Variants in VWA5B1 observed in about 807,000 individuals in gnomAD.
The protein encoded by VWA5B1 is von Willebrand factor A domain-containing protein 5B1.
In VWA5B1, 115 loss-of-function variants were observed where a neutral mutation model predicts 118.2. The ratio of observed to expected loss-of-function variants is 0.97; its 90% CI spans 0.84 to 1.14. The LOEUF is 1.14. Ranked by LOEUF, VWA5B1 falls within the 50% of genes most tolerant of loss-of-function variation. The pLI is 0.00. For missense variants in VWA5B1, 1,596 were observed against 1,603.8 expected (o/e 1.00, Z 0.08); for synonymous variants, 682 against 658.4 (o/e 1.04, Z -0.55).
intron 14 of VWA5B1, among the ~76,000 whole-genome samples, chr1:20,339,583 ATGTAGATTTGTCCT>A (rs2089821237): frequency 6.6e-6 from 1 of 152,112 alleles, no homozygotes. Flanking sequence ...AATGGGCTTT[ATGTAGATTTGTCCT>A]TGTAAGGCAG....
rs944229832 is a variant in VWA5B1, at chr1:20,312,730, A to G, written c.140-106A>G. On this transcript the variant is annotated intron_variant, in intron 2 of 21. Coordinates refer to ENST00000289815, the MANE Select transcript of VWA5B1 (RefSeq NM_001039500.3). Reference sequence around the variant, plus strand: ...GGCCTCTCGGCATCCAATAAGCGGCAGTGGGCACCACCCAACAGGCAGACC... The same window carrying G: ...GGCCTCTCGGCATCCAATAAGCGGCGGTGGGCACCACCCAACAGGCAGACC... 2.9e-6 allele frequency: 4 copies of G among 1,368,374 alleles called. No individual in the cohort carries two copies. In the African/African-American group the frequency reaches 5.9e-5, roughly 20 times the overall value. 84.8% of individuals were successfully genotyped at this position (1,368,374 alleles called of 1,614,324 possible).
At chr1:20,350,046 G>T (rs2090094832) in intron 18 of VWA5B1, 110 bp from the exon 19 acceptor site, 1 of 1,145,142 alleles carries the variant, frequency 8.7e-7, no homozygotes, top group Non-Finnish European at 1.3e-6. Flanking sequence ...CCCTAGCCTT[G>T]TTCCCCAACC....
At chr1:20,331,975 T>A (rs1442493301) in intron 11 of VWA5B1, among the ~76,000 whole-genome samples, 1 of 152,160 alleles carries the variant, frequency 6.6e-6, no homozygotes, top group Non-Finnish European at 1.5e-5. Context: ...CTAGCGCATG[T>A]CATTTACTAA....
rs759970278 is a variant in VWA5B1 at position 20,332,868 on chromosome 1, G to A, written c.1675G>A (p.Ala559Thr). 6.3e-5 allele frequency: 98 copies of A among 1,551,786 alleles called. No individual in the cohort carries two copies. Among genetic ancestry groups the A allele is most frequent in the Middle Eastern group, 5.0e-4 (3 of 6,014 alleles). The change falls in exon 12 of 22, where the codon GCC (alanine) becomes ACC (threonine). Residue 559 changes from alanine to threonine, a missense_variant. Coordinates refer to ENST00000289815, the MANE Select transcript of VWA5B1 (RefSeq NM_001039500.3). The stretch of plus-strand genomic sequence containing the variant: ...TGAGGTCCTGGTCTCACCCGTCAGC[G>A]CCAGCTCCCTCTTCCCTGGAGAACG... The part of the protein sequence containing the change: ...TTEVLVSPVS[A>T]SSLFPGERLV...
rs2090192633 is a variant in VWA5B1, at chr1:20,354,369, C to T, written c.*106C>T. 1 of 1,345,298 alleles carries T rather than the reference C, an allele frequency of 7.4e-7. No homozygotes were observed. Among genetic ancestry groups the T allele is most frequent in the Non-Finnish European group, 9.9e-7 (1 of 1,010,696 alleles). 83.3% of individuals were successfully genotyped at this position (1,345,298 alleles called of 1,614,324 possible). A position where few individuals can be genotyped will look rare whatever the true frequency, so the allele number is the denominator to read the frequency against. ...GCTTTTGGAGCTGTAACTAATATTT[C>T]AGTTACTAGAAAGAGCCCTGGACTG... On this transcript the variant is annotated 3_prime_UTR_variant, in exon 22 of 22. Transcript: ENST00000289815.
chr1:20,299,467 G>T (rs952146127), intron 1 of VWA5B1, among the ~76,000 whole-genome samples: 1 of 152,166 alleles, frequency 6.6e-6, no homozygotes, highest in East Asian at 1.9e-4. Context: ...GCAGTAGTGC[G>T]ATCTTAGCTC....
intron 15 of VWA5B1, 27 bp downstream of exon 15, chr1:20,342,636 A>G: frequency 6.9e-7 from 1 of 1,447,346 alleles, no homozygotes. Flanking sequence ...TCCAGGACCC[A>G]ACTGGGGACA....
At chr1:20,309,349 G>A (rs746689357) in intron 1 of VWA5B1, among the ~76,000 whole-genome samples, 6 of 152,342 alleles carry the variant, frequency 3.9e-5, no homozygotes, top group Admixed American at 6.5e-5. Context: ...ACTCAGCTCC[G>A]TGGGGGGATG....
At chr1:20,343,918 AC>A (rs1157662500) in intron 16 of VWA5B1, among the ~76,000 whole-genome samples, 1 of 70,240 alleles carries the variant, frequency 1.4e-5, no homozygotes, top group Non-Finnish European at 2.8e-5. Context: ...CTCATTCCCT[AC>A]CCCCACTCCA....
rs1443996394 is a variant in VWA5B1, at chr1:20,348,370, G to A, written c.2878+12G>A. The A allele has an allele frequency of 6.4e-7, 1 of 1,551,528 alleles. No homozygotes were observed. Among genetic ancestry groups the A allele is most frequent in the Non-Finnish European group, 8.7e-7 (1 of 1,147,016 alleles). ...GGCACCAGGAAATGGTAAATTTCAGGCCCTAAGTAAGAGCCACCCTGGGCA... is the reference window on the plus strand; with the variant it reads ...GGCACCAGGAAATGGTAAATTTCAGACCCTAAGTAAGAGCCACCCTGGGCA... On this transcript the variant is annotated intron_variant, in intron 18 of 21. Coordinates refer to ENST00000289815, the MANE Select transcript of VWA5B1 (RefSeq NM_001039500.3).
At chr1:20,351,780 C>T (rs2090135844) in intron 20 of VWA5B1, among the ~76,000 whole-genome samples, 1 of 152,164 alleles carries the variant, frequency 6.6e-6, no homozygotes, top group African/African-American at 2.4e-5. Flanking sequence ...TCCCTCCAGC[C>T]TAGGTGACAG....
At chr1:20,330,045 C>A in intron 9 of VWA5B1, 135 bp from the exon 10 acceptor site, 2 of 964,912 alleles carry the variant, frequency 2.1e-6, no homozygotes, top group Non-Finnish European at 1.6e-6. Flanking sequence ...TGAGTGTGGG[C>A]AGGGATGAAA....
In VWA5B1 at chr1:20,323,748, T is replaced by G. The variant is rs111807609; in HGVS notation, c.1143+216T>G. On this transcript the variant is annotated intron_variant, in intron 8 of 21. Coordinates refer to ENST00000289815, the MANE Select transcript of VWA5B1 (RefSeq NM_001039500.3). ...CATCCATTTATAAGGGATGAAGTCA[T>G]CCGTAGCTGTCCTTTGCATTCTACA... Among the ~76,000 whole-genome samples the G allele has an allele frequency of 5.4e-4, 83 of 152,340 alleles. 1 individual carries two copies. The highest frequency in any genetic ancestry group is 1.7e-3 in the African/African-American group (72 of 41,582).
At chr1:20,339,940 T>A (rs2089830516) in intron 14 of VWA5B1, among the ~76,000 whole-genome samples, 1 of 152,150 alleles carries the variant, frequency 6.6e-6, no homozygotes, top group South Asian at 2.1e-4. Flanking sequence ...GAGAGCCAAC[T>A]CTAAGTGGAG....
At chr1:20,308,234 T>C (rs1224457235) in intron 1 of VWA5B1, among the ~76,000 whole-genome samples, 1 of 143,122 alleles carries the variant, frequency 7.0e-6, no homozygotes, top group African/African-American at 2.5e-5. Flanking sequence ...CTGCATGACA[T>C]TCCTAAAGGG....
At chr1:20,329,287 CTTTTTTTTTTTTTTTTTT>C (rs10578067) in intron 9 of VWA5B1, among the ~76,000 whole-genome samples, 1 of 89,216 alleles carries the variant, frequency 1.1e-5, no homozygotes, top group African/African-American at 5.0e-5. Flanking sequence ...TTTCTTTTCC[CTTTTTTTTTTTTTTTTTT>C]TTTTTTTTTT....
intron 13 of VWA5B1, 89 bp from the exon 14 acceptor site, chr1:20,337,557 G>T: frequency 1.4e-6 from 2 of 1,395,524 alleles, no homozygotes; most frequent in South Asian, 2.9e-5. Flanking sequence ...TGGAGAACGT[G>T]AGACACTTCC....
chr1:20,352,050 C>A lies in VWA5B1; in HGVS notation c.3024-5C>A. On this transcript the variant is annotated splice_polypyrimidine_tract_variant and splice_region_variant and intron_variant, in intron 20 of 21. Transcript: ENST00000289815. Reference sequence around the variant, plus strand: ...GCCCAGGGCCACCTGACTTCACCTGCACAGGCTAAATCTCAACAAGTCCAG... The same window carrying A: ...GCCCAGGGCCACCTGACTTCACCTGAACAGGCTAAATCTCAACAAGTCCAG... 6.5e-7 allele frequency: 1 copy of A among 1,549,876 alleles called. No individual in the cohort carries two copies. Among genetic ancestry groups the A allele is most frequent in the South Asian group, 1.2e-5 (1 of 83,794 alleles).
chr1:20,342,873 G>A (rs2089912539), intron 15 of VWA5B1, among the ~76,000 whole-genome samples: 1 of 152,178 alleles, frequency 6.6e-6, no homozygotes, highest in Non-Finnish European at 1.5e-5. Context: ...TGGCTTCCTG[G>A]GAGGCGGATC....
Sources: allele counts gnomAD v4.1 joint callset (sites outside exome capture counted in the v4.1 genomes callset), GRCh38; gene constraint gnomAD v4.1.1; transcripts MANE v1.5; gene names NCBI Gene and HGNC (gene_info 2026-07-23, HGNC 2026-07-21).